LHFPL3: variants seen among roughly 807,000 people sequenced by gnomAD.
LHFPL3 encodes LHFPL tetraspan subfamily member 3 protein.
In LHFPL3, 5 loss-of-function variants were observed where a neutral mutation model predicts 19.3. The ratio of observed to expected loss-of-function variants is 0.26; its 90% CI spans 0.14 to 0.54. The LOEUF (loss-of-function observed/expected upper bound fraction) is 0.54. Among genes scored for constraint, LHFPL3 ranks in the 20% least tolerant of loss-of-function variants. LHFPL3 has a pLI of 0.94. For synonymous variants in LHFPL3, 133 were observed against 126.2 expected (o/e 1.05, Z -0.36); for missense variants, 249 against 307.4 (o/e 0.81, Z 1.42).
intron 1 of LHFPL3, among the ~76,000 whole-genome samples, chr7:104,406,811 A>C (rs1167379683): frequency 6.6e-6 from 1 of 152,248 alleles, no homozygotes; most frequent in Non-Finnish European, 1.5e-5. Context: ...TGGGATTCAA[A>C]AAGGCAAAAC....
intron 1 of LHFPL3, among the ~76,000 whole-genome samples, chr7:104,679,251 A>G (rs1304681508): frequency 6.6e-6 from 1 of 152,224 alleles, no homozygotes; most frequent in African/African-American, 2.4e-5. Flanking sequence ...TGAGACCTCA[A>G]CTTGTGGCTC....
At chr7:104,625,584 G>T (rs1408889707) in intron 1 of LHFPL3, among the ~76,000 whole-genome samples, 1 of 152,054 alleles carries the variant, frequency 6.6e-6, no homozygotes, top group Non-Finnish European at 1.5e-5. Context: ...GGAAAGATAA[G>T]ACCATATTAT....
chr7:104,438,312 A>G (rs566567903), intron 1 of LHFPL3, among the ~76,000 whole-genome samples: 1 of 152,250 alleles, frequency 6.6e-6, no homozygotes, highest in African/African-American at 2.4e-5. Context: ...CTGTAATCTT[A>G]CCTTGGAAAT....
intron 2 of LHFPL3, among the ~76,000 whole-genome samples, chr7:104,744,799 G>A (rs78770754): frequency 3.5e-4 from 54 of 152,230 alleles, no homozygotes; most frequent in Non-Finnish European, 7.5e-4. Flanking sequence ...TCCGGTCACT[G>A]ACCTTGCCTA....
chr7:104,906,964 C>CG lies in LHFPL3; in HGVS notation c.*749_*750insG, dbSNP rs1364236865. The CG allele has an allele frequency of 1.3e-5, 2 of 152,544 alleles. No homozygotes were observed. Among genetic ancestry groups the CG allele is most frequent in the African/African-American group, 4.8e-5 (2 of 41,448 alleles). The allele number at this position is 152,544 out of a possible 1,614,324, so 9.4% of individuals were successfully genotyped here. A position where few individuals can be genotyped will look rare whatever the true frequency, so the allele number is the denominator to read the frequency against. ...CATCTTTACATCATAGGTTCCCAAG[C>CG]AACATAGATTTCCCTATCTTTCAGG... On this transcript the variant is annotated 3_prime_UTR_variant, in exon 3 of 3. Coordinates refer to ENST00000424859, the MANE Select transcript of LHFPL3 (RefSeq NM_199000.3).
At chr7:104,392,954 G>A (rs1438529037) in intron 1 of LHFPL3, among the ~76,000 whole-genome samples, 3 of 152,128 alleles carry the variant, frequency 2.0e-5, no homozygotes, top group Non-Finnish European at 4.4e-5. Context: ...ATTTCTTCTA[G>A]ATTTTCTAAT....
At chr7:104,731,280 T>C (rs1443205167) in intron 1 of LHFPL3, among the ~76,000 whole-genome samples, 1 of 149,294 alleles carries the variant, frequency 6.7e-6, no homozygotes, top group Non-Finnish European at 1.5e-5. Flanking sequence ...GGTAGCTTGA[T>C]GGGGATGGCA....
At chr7:104,459,638 G>T (rs1792618587) in intron 1 of LHFPL3, among the ~76,000 whole-genome samples, 1 of 152,188 alleles carries the variant, frequency 6.6e-6, no homozygotes, top group Non-Finnish European at 1.5e-5. Flanking sequence ...GCAATAGTCA[G>T]AAAACTGGCT....
rs549344374 is a variant in LHFPL3, at chr7:104,831,337, G to A, written c.683-74850G>A. ...CCCTAATTGCTGGAAAATTCAATTC[G>A]GTCATAAGCTTAAAACTTTCCTGTA... On this transcript the variant is annotated intron_variant, in intron 2 of 2. Transcript: ENST00000424859. Among the ~76,000 whole-genome samples the A allele has an allele frequency of 1.1e-4, 16 of 151,878 alleles. No homozygotes were observed. In the South Asian group the frequency reaches 3.1e-3, roughly 30 times the overall value.
intron 2 of LHFPL3, chr7:104,803,956 G>A (rs1393448538): frequency 2.6e-5 from 4 of 152,116 alleles, no homozygotes; most frequent in African/African-American, 7.2e-5. Flanking sequence ...ATTCACTTAC[G>A]ACACAGCTGG....
chr7:104,899,378 G>GA (rs1221695861), intron 2 of LHFPL3, among the ~76,000 whole-genome samples: 1 of 152,002 alleles, frequency 6.6e-6, no homozygotes, highest in Non-Finnish European at 1.5e-5. Flanking sequence ...ATGCCGCCGA[G>GA]AAAATCAGGA....
At chr7:104,602,135 C>G (rs1442375923) in intron 1 of LHFPL3, among the ~76,000 whole-genome samples, 2 of 145,680 alleles carry the variant, frequency 1.4e-5, no homozygotes, top group Non-Finnish European at 3.0e-5. Flanking sequence ...ATTCTCCTGC[C>G]TCAGCCTCCC....
chr7:104,725,463 A>C (rs1054430887), intron 1 of LHFPL3, among the ~76,000 whole-genome samples: 4 of 152,166 alleles, frequency 2.6e-5, no homozygotes, highest in Non-Finnish European at 5.9e-5. Flanking sequence ...TTTCTTTATA[A>C]GAAATTAATT....
Position 104,328,755 on chromosome 7 carries a change from G to C in LHFPL3, c.-25G>C, listed in dbSNP as rs1008027579. 3 of 1,420,636 alleles carry C rather than the reference G, an allele frequency of 2.1e-6. No homozygotes were observed. The highest frequency in any genetic ancestry group is 3.1e-5 in the African/African-American group (2 of 65,514). 88.0% of individuals were successfully genotyped at this position (1,420,636 alleles called of 1,614,324 possible). On this transcript the variant is annotated 5_prime_UTR_variant, in exon 1 of 3. Coordinates refer to ENST00000424859, the MANE Select transcript of LHFPL3 (RefSeq NM_199000.3). This position sits in a 1 kb window ranked among gnomAD's most constrained non-coding sequence, Gnocchi z 4.6. ...GGGGGAGGCGGAGGACCAGGAGGAG[G>C]AGGAGGAGGAGGAGGAGGGGGAGAA...
chr7:104,469,158 T>C lies in LHFPL3; in HGVS notation c.445+139934T>C, dbSNP rs142979041. 2.0e-3 allele frequency among the ~76,000 whole-genome samples: 297 copies of C among 152,270 alleles called. 1 individual carries two copies. The highest frequency in any genetic ancestry group is 6.9e-3 in the African/African-American group (288 of 41,554). Reference sequence around the variant, plus strand: ...AATAGAGTGAGTGCAACTTCTCTGATTTATTTCTGAACTGGCTGCTGCAGA... The same window carrying C: ...AATAGAGTGAGTGCAACTTCTCTGACTTATTTCTGAACTGGCTGCTGCAGA... On this transcript the variant is annotated intron_variant, in intron 1 of 2. Coordinates refer to ENST00000424859, the MANE Select transcript of LHFPL3 (RefSeq NM_199000.3).
chr7:104,680,461 G>A (rs1477230565), intron 1 of LHFPL3, among the ~76,000 whole-genome samples: 1 of 152,144 alleles, frequency 6.6e-6, no homozygotes, highest in East Asian at 1.9e-4. Context: ...AGTGACATGA[G>A]CAAGTGCTCT....
At chr7:104,729,279 G>A (rs974366664) in intron 1 of LHFPL3, among the ~76,000 whole-genome samples, 3 of 152,026 alleles carry the variant, frequency 2.0e-5, no homozygotes, top group Admixed American at 6.6e-5. Flanking sequence ...AACATATAAT[G>A]GGATGTTTTA....
chr7:104,579,169 T>C (rs1205146384), intron 1 of LHFPL3, among the ~76,000 whole-genome samples: 2 of 152,202 alleles, frequency 1.3e-5, no homozygotes, highest in African/African-American at 4.8e-5. Flanking sequence ...TTCTGTCTTT[T>C]TAATTTTAGA....
rs1261737402 is a variant in LHFPL3, at chr7:104,368,595, C to T, written c.445+39371C>T. On this transcript the variant is annotated intron_variant, in intron 1 of 2. Transcript: ENST00000424859. Reference sequence around the variant, plus strand: ...CTAATCTTTCCTTTCCTTTTCTGCCCCTGACTTTCGGCCTTAGCATCTTTG... The same window carrying T: ...CTAATCTTTCCTTTCCTTTTCTGCCTCTGACTTTCGGCCTTAGCATCTTTG... Among the ~76,000 whole-genome samples the T allele has an allele frequency of 2.6e-5, 4 of 151,894 alleles. 1 individual carries two copies.
Sources: allele counts gnomAD v4.1 joint callset (sites outside exome capture counted in the v4.1 genomes callset), GRCh38; gene constraint gnomAD v4.1.1; non-coding constraint Gnocchi (gnomAD v3.1); transcripts MANE v1.5; gene names NCBI Gene and HGNC (gene_info 2026-07-23, HGNC 2026-07-21).